TOP6BL: variants seen among roughly 807,000 people sequenced by gnomAD.
TOP6BL encodes the protein TOP6B like initiator of meiotic double strand breaks, also known as type 2 DNA topoisomerase 6 subunit B-like.
chr11:66,828,623 T>C, the TOP6BL span: 3 of 386,480 alleles, frequency 7.8e-6, no homozygotes, highest in African/African-American at 4.1e-5. Flanking sequence ...GGCAGGAGGG[T>C]AGATTCAGTC....
the TOP6BL span, among the ~76,000 whole-genome samples, chr11:66,779,635 C>T: frequency 0.018 from 2,758 of 152,198 alleles, 33 homozygotes; most frequent in Middle Eastern, 0.034. Flanking sequence ...CTAGAAATAC[C>T]ATTTGACCCC....
At chr11:66,756,417 C>T in the TOP6BL span, 11 of 1,124,780 alleles carry the variant, frequency 9.8e-6, no homozygotes, top group Admixed American at 6.4e-5. Context: ...ACTGCAACCT[C>T]CACCTCCCAG....
At chr11:66,803,886 T>G in the TOP6BL span, 303 of 756,548 alleles carry the variant, frequency 4.0e-4, 1 homozygote, top group East Asian at 1.7e-3. Context: ...ATATGGCAGG[T>G]TGTGTGGTTG....
the TOP6BL span, among the ~76,000 whole-genome samples, chr11:66,780,486 G>C: frequency 6.6e-6 from 1 of 152,042 alleles, no homozygotes; most frequent in African/African-American, 2.4e-5. Context: ...AAAGGATATT[G>C]CACTGGAATA....
chr11:66,784,567 C>T, the TOP6BL span, among the ~76,000 whole-genome samples: 2 of 152,226 alleles, frequency 1.3e-5, no homozygotes, highest in Non-Finnish European at 2.9e-5. Flanking sequence ...TATGCCTTGG[C>T]AAACACTAAT....
chr11:66,800,064 C>CA, the TOP6BL span, among the ~76,000 whole-genome samples: 5,588 of 107,416 alleles, frequency 0.052, 152 homozygotes, highest in African/African-American at 0.097. Flanking sequence ...GACCCTGTCT[C>CA]AAAAAAAAAA....
the TOP6BL span, among the ~76,000 whole-genome samples, chr11:66,827,998 G>C: frequency 7.1e-6 from 1 of 140,758 alleles, no homozygotes; most frequent in Non-Finnish European, 1.5e-5. Flanking sequence ...AAAAAAGAGA[G>C]ATGGGAAAAC....
At chr11:66,785,820 G>T in the TOP6BL span, among the ~76,000 whole-genome samples, 15 of 152,076 alleles carry the variant, frequency 9.9e-5, no homozygotes, top group Non-Finnish European at 1.8e-4. Flanking sequence ...CCTGTGTGTG[G>T]CTCTTGCTCT....
At chr11:66,809,249 T>TA in the TOP6BL span, among the ~76,000 whole-genome samples, 1 of 152,214 alleles carries the variant, frequency 6.6e-6, no homozygotes, top group Non-Finnish European at 1.5e-5. Context: ...AGAAGAATCT[T>TA]AAAATCAGTC....
At chr11:66,835,703 T>C in the TOP6BL span, among the ~76,000 whole-genome samples, 2 of 152,206 alleles carry the variant, frequency 1.3e-5, no homozygotes, top group Non-Finnish European at 2.9e-5. Context: ...ATTTAGCATG[T>C]TTCTAAGGCT....
the TOP6BL span, among the ~76,000 whole-genome samples, chr11:66,767,442 T>C: frequency 6.6e-6 from 1 of 152,198 alleles, no homozygotes; most frequent in South Asian, 2.1e-4. Flanking sequence ...TGGAGGAATA[T>C]GAAAAAAATC....
the TOP6BL span, chr11:66,771,673 T>G: frequency 6.3e-6 from 1 of 159,328 alleles, no homozygotes. Flanking sequence ...TTCTGATGAG[T>G]CTAGTTGGCA....
At chr11:66,826,665 C>CT in the TOP6BL span, among the ~76,000 whole-genome samples, 6 of 146,516 alleles carry the variant, frequency 4.1e-5, no homozygotes, top group African/African-American at 5.0e-5. Flanking sequence ...TGGGTCACTT[C>CT]TTTTTTTTTT....
the TOP6BL span, chr11:66,842,803 G>C: frequency 6.6e-7 from 1 of 1,509,594 alleles, no homozygotes; most frequent in Non-Finnish European, 8.9e-7. Context: ...GGTGCTCCTA[G>C]CACAGGGCCA....
At chr11:66,777,103 A>G in the TOP6BL span, among the ~76,000 whole-genome samples, 1 of 150,132 alleles carries the variant, frequency 6.7e-6, no homozygotes, top group East Asian at 1.9e-4. Context: ...ATCTATATCT[A>G]TATATCTATA....
chr11:66,764,799 A>G, the TOP6BL span, among the ~76,000 whole-genome samples: 1 of 151,998 alleles, frequency 6.6e-6, no homozygotes, highest in African/African-American at 2.4e-5. Context: ...ATCTCTACAA[A>G]AAATACAAAA....
chr11:66,747,112 T>G, the TOP6BL span, among the ~76,000 whole-genome samples: 1 of 151,806 alleles, frequency 6.6e-6, no homozygotes, highest in Non-Finnish European at 1.5e-5. Flanking sequence ...AATTTTTGTA[T>G]TTTTAGTAGA....
chr11:66,816,303 A>G, the TOP6BL span: 1 of 1,280,996 alleles, frequency 7.8e-7, no homozygotes, highest in Non-Finnish European at 1.0e-6. Context: ...TTTCTGTAGA[A>G]TAAATAAGTT....
the TOP6BL span, among the ~76,000 whole-genome samples, chr11:66,801,785 G>A: frequency 6.6e-6 from 1 of 151,998 alleles, no homozygotes; most frequent in Non-Finnish European, 1.5e-5. Context: ...GCAGTGAGCC[G>A]AGATCACGCC....
Sources: allele counts gnomAD v4.1 joint callset (sites outside exome capture counted in the v4.1 genomes callset), GRCh38; gene constraint gnomAD v4.1.1; transcripts MANE v1.5; gene names NCBI Gene and HGNC (gene_info 2026-07-23, HGNC 2026-07-21).